GRAMD1B: variants seen among roughly 807,000 people sequenced by gnomAD.
The protein encoded by GRAMD1B is protein Aster-B.
A neutral mutation model predicts 99.7 loss-of-function variants in GRAMD1B; 37 were observed. The ratio of observed to expected loss-of-function variants is 0.37; its 90% CI spans 0.29 to 0.49. GRAMD1B has a LOEUF of 0.49. GRAMD1B is among the 20% of genes least tolerant of loss of function. The pLI, the probability that GRAMD1B is intolerant of heterozygous loss-of-function variation, is 0.98. For synonymous variants in GRAMD1B, 427 were observed against 387.6 expected (o/e 1.10, Z -1.19); for missense variants, 888 against 1,009.2 (o/e 0.88, Z 1.63).
At chr11:123,365,690 C>T (rs768250177) in intron 1 of GRAMD1B, among the ~76,000 whole-genome samples, 6 of 152,192 alleles carry the variant, frequency 3.9e-5, no homozygotes, top group Non-Finnish European at 8.8e-5. Context: ...TATGGATACC[C>T]GTGCAAATTG....
intron 2 of GRAMD1B, among the ~76,000 whole-genome samples, chr11:123,541,555 C>G (rs1043227501): frequency 1.1e-4 from 16 of 143,070 alleles, no homozygotes; most frequent in African/African-American, 3.6e-4. Context: ...TTTTTTTTGG[C>G]CTTTGCTCCC....
At chr11:123,526,024 C>T (rs1245221510) in intron 2 of GRAMD1B, 1 of 785,820 alleles carries the variant, frequency 1.3e-6, no homozygotes, top group Non-Finnish European at 2.2e-6. Flanking sequence ...TTTCTGTGTT[C>T]AAGTCACATT....
intron 1 of GRAMD1B, among the ~76,000 whole-genome samples, chr11:123,383,998 A>C (rs983948097): frequency 6.6e-6 from 1 of 151,774 alleles, no homozygotes; most frequent in East Asian, 1.9e-4. Context: ...AGCCTCCTGA[A>C]TAGTTGGGAT....
chr11:123,504,348 A>G (rs2846299), intron 2 of GRAMD1B, among the ~76,000 whole-genome samples: 104,795 of 152,020 alleles, frequency 0.69, 36,251 homozygotes, highest in Middle Eastern at 0.71. Context: ...TTCTCCTGAT[A>G]TCTCCCTCAT....
intron 2 of GRAMD1B, among the ~76,000 whole-genome samples, chr11:123,558,255 A>T (rs1946363454): frequency 2.6e-5 from 4 of 152,102 alleles, no homozygotes. Context: ...AACTGCTGAG[A>T]TTACAGGCAT....
intron 1 of GRAMD1B, among the ~76,000 whole-genome samples, chr11:123,400,402 G>A (rs546643824): frequency 1.1e-4 from 16 of 152,270 alleles, no homozygotes; most frequent in African/African-American, 3.4e-4. Context: ...GCTTGAATCC[G>A]GGAGGCAGGG....
chr11:123,613,607 G>C lies in GRAMD1B; in HGVS notation c.2176G>C (p.Val726Leu), dbSNP rs557839467. ...TCACCTGGAAGAGGTGATGAGCCCGGTCACCACGCCCACAGATGAGGATGT... is the reference window on the plus strand; with the variant it reads ...TCACCTGGAAGAGGTGATGAGCCCGCTCACCACGCCCACAGATGAGGATGT... ...VPHLEEVMSPVTTPTDEDVGH... is the reference protein window; with the variant it reads ...VPHLEEVMSPLTTPTDEDVGH... Residue 726 changes from valine to leucine, a missense_variant, in exon 16 of 20, where the codon GTC (valine) becomes CTC (leucine). Physicochemically the swap from Val to Leu is conservative, Grantham distance 32. Transcript: ENST00000635736. 2.5e-6 allele frequency: 4 copies of C among 1,613,912 alleles called. No homozygotes were observed. The South Asian group carries it at 4.4e-5, about 18-fold the overall frequency.
chr11:123,430,063 G>C (rs4078010), upstream of GRAMD1B, among the ~76,000 whole-genome samples: 20,638 of 151,780 alleles, frequency 0.14, 3,165 homozygotes, highest in African/African-American at 0.38. Context: ...CCCTGAGAAA[G>C]TTTGGTTTGT....
In GRAMD1B at chr11:123,599,125, AT is replaced by A. The variant is rs1951642923; in HGVS notation, c.970-1341del. ...TCTCGAGCCTTCAGGAGCTCCTCAA[AT>A]TCCACTGACATTGCCACATAGATCT... On this transcript the variant is annotated intron_variant, in intron 7 of 19. Coordinates refer to ENST00000635736, the MANE Select transcript of GRAMD1B (RefSeq NM_001387025.1). 1.4e-5 allele frequency: 12 copies of A among 833,346 alleles called. 1 individual carries two copies. Among genetic ancestry groups the A allele is most frequent in the African/African-American group, 8.3e-5 (5 of 60,040 alleles). 51.6% of individuals were successfully genotyped at this position (833,346 alleles called of 1,614,324 possible).
chr11:123,399,520 A>G (rs1193346972), intron 1 of GRAMD1B, among the ~76,000 whole-genome samples: 1 of 152,194 alleles, frequency 6.6e-6, no homozygotes, highest in Non-Finnish European at 1.5e-5. Flanking sequence ...AATGTTTTCT[A>G]TAGTGGCTGT....
At chr11:123,457,617 C>T (rs1035178897) in intron 1 of GRAMD1B, among the ~76,000 whole-genome samples, 6 of 152,356 alleles carry the variant, frequency 3.9e-5, no homozygotes, top group Non-Finnish European at 7.3e-5. Context: ...CTGTGTTCTA[C>T]GGAGTCCATG....
chr11:123,528,485 T>C (rs1943022750), intron 2 of GRAMD1B, among the ~76,000 whole-genome samples: 1 of 152,146 alleles, frequency 6.6e-6, no homozygotes, highest in South Asian at 2.1e-4. Flanking sequence ...GAGCTCACAG[T>C]GTTATGATAA....
rs1555112793 is a variant in GRAMD1B at position 123,625,973 on chromosome 11, A to AGATCGAGAGAGATC, written c.*3380_*3381insTCGAGAGAGATCGA. The AGATCGAGAGAGATC allele has an allele frequency of 7.2e-6, 1 of 139,854 alleles. No individual in the cohort carries two copies. The highest frequency in any genetic ancestry group is 2.6e-5 in the African/African-American group (1 of 38,546). 8.7% of individuals were successfully genotyped at this position (139,854 alleles called of 1,614,324 possible). A position where few individuals can be genotyped will look rare whatever the true frequency, so the allele number is the denominator to read the frequency against. On this transcript the variant is annotated 3_prime_UTR_variant, in exon 20 of 20. Coordinates refer to ENST00000635736, the MANE Select transcript of GRAMD1B (RefSeq NM_001387025.1). Reference sequence around the variant, plus strand: ...GAGAGAGAGAGAGAGAGAGAGAGAGAGAGAGAGATCGAGCTTGATGTATTG... The same window carrying AGATCGAGAGAGATC: ...GAGAGAGAGAGAGAGAGAGAGAGAGAGATCGAGAGAGATCGAGAGAGATCGAGCTTGATGTATTG...
chr11:123,581,857 G>A (rs542958749), intron 3 of GRAMD1B, among the ~76,000 whole-genome samples: 3 of 152,326 alleles, frequency 2.0e-5, no homozygotes, highest in East Asian at 3.9e-4. Flanking sequence ...AGGCACAAGC[G>A]CCGATGTGCC....
intron 4 of GRAMD1B, among the ~76,000 whole-genome samples, chr11:123,592,405 T>C (rs2136511755): frequency 6.6e-6 from 1 of 152,294 alleles, no homozygotes; most frequent in South Asian, 2.1e-4. Context: ...GTTTCTCAAT[T>C]TCCTCAAGTG....
At chr11:123,374,006 A>C (rs1007685134) in intron 1 of GRAMD1B, among the ~76,000 whole-genome samples, 47 of 152,220 alleles carry the variant, frequency 3.1e-4, no homozygotes, top group African/African-American at 1.1e-3. Flanking sequence ...CTGAGTAGCT[A>C]GCTACTCAGA....
At chr11:123,444,694 G>A (rs1193045307) in intron 1 of GRAMD1B, among the ~76,000 whole-genome samples, 1 of 152,088 alleles carries the variant, frequency 6.6e-6, no homozygotes, top group Non-Finnish European at 1.5e-5. Context: ...AGGTATTGCA[G>A]GGGGTTAGAT....
In GRAMD1B at chr11:123,510,719, C is replaced by T. The variant is rs1456579961; in HGVS notation, c.452+29826C>T. 2.0e-5 allele frequency among the ~76,000 whole-genome samples: 3 copies of T among 152,296 alleles called. No individual in the cohort carries two copies. Among genetic ancestry groups the T allele is most frequent in the Non-Finnish European group, 2.9e-5 (2 of 68,030 alleles). The stretch of plus-strand genomic sequence containing the variant: ...AAGGTAGGATGGAAATGCTGCCGGC[C>T]GCACTGTGCGTAAGTGGCTTCGCTT... On this transcript the variant is annotated intron_variant, in intron 2 of 19. Transcript: ENST00000635736. This position sits in a 1 kb window ranked among gnomAD's most constrained non-coding sequence, Gnocchi z 4.3.
At chr11:123,406,259 CT>C (rs766355496) in intron 1 of GRAMD1B, among the ~76,000 whole-genome samples, 147 of 123,712 alleles carry the variant, frequency 1.2e-3, no homozygotes, top group Admixed American at 1.3e-3. Context: ...CCCATTGTTG[CT>C]TTTTTTTTTT....
Sources: gnomAD v4.1 joint callset for allele counts (sites outside exome capture counted in the v4.1 genomes callset) on GRCh38, gnomAD v4.1.1 for gene constraint, Gnocchi (gnomAD v3.1) non-coding constraint, MANE v1.5 for transcripts, NCBI Gene and HGNC (gene_info 2026-07-23, HGNC 2026-07-21) for gene names.